CD300E: variants seen among roughly 807,000 people sequenced by gnomAD.
The protein encoded by CD300E is CMRF35-like molecule 2.
A neutral mutation model predicts 20.9 loss-of-function variants in CD300E; 14 were observed. The observed-to-expected ratio is 0.67, with a 90% CI of 0.44 to 1.05. The LOEUF (loss-of-function observed/expected upper bound fraction) is 1.05, where lower values mean the gene tolerates loss of function less well. Ranked by LOEUF, CD300E falls within the 50% of genes least tolerant of loss-of-function variation. CD300E has a pLI of 0.00. For missense variants in CD300E, 237 were observed against 253.9 expected (o/e 0.93, Z 0.45); for synonymous variants, 102 against 103.7 (o/e 0.98, Z 0.10).
intron 1 of CD300E, among the ~76,000 whole-genome samples, chr17:74,620,737 A>G (rs2031002281): frequency 6.6e-6 from 1 of 152,184 alleles, no homozygotes; most frequent in Admixed American, 6.5e-5. Flanking sequence ...AAGCAAAGCC[A>G]CCTCCAAAAT....
At position 74,610,927 on chromosome 17, in the gene CD300E, C is replaced by T. The variant is rs35627988; in HGVS notation, c.*1726G>A. The T allele has an allele frequency of 1.7e-3, 252 of 152,588 alleles. 2 individuals carry two copies. Among genetic ancestry groups the T allele is most frequent in the Non-Finnish European group, 1.2e-3 (83 of 68,082 alleles). The allele number at this position is 152,588 out of a possible 1,614,324, so 9.5% of individuals were successfully genotyped here. On this transcript the variant is annotated 3_prime_UTR_variant, in exon 4 of 4. Coordinates refer to ENST00000392619, the MANE Select transcript of CD300E (RefSeq NM_181449.3). Reference sequence around the variant, plus strand: ...CTGTCCTCTCTCTCTCCCTGTTGCTCCATCCCTGCTCCGCTGAAATCCTAT... The same window carrying T: ...CTGTCCTCTCTCTCTCCCTGTTGCTTCATCCCTGCTCCGCTGAAATCCTAT...
chr17:74,619,583 G>A (rs1006016076), intron 1 of CD300E, among the ~76,000 whole-genome samples: 2 of 151,972 alleles, frequency 1.3e-5, no homozygotes, highest in African/African-American at 4.8e-5. Flanking sequence ...CTGCTAGGAA[G>A]CAAATGTTTC....
At chr17:74,622,496 A>G (rs1424688050) in intron 1 of CD300E, among the ~76,000 whole-genome samples, 1 of 152,118 alleles carries the variant, frequency 6.6e-6, no homozygotes, top group Non-Finnish European at 1.5e-5. Context: ...TACATTGGGC[A>G]ATTTCTATGT....
chr17:74,616,023 G>A (rs908410493), intron 2 of CD300E, among the ~76,000 whole-genome samples: 10 of 152,204 alleles, frequency 6.6e-5, no homozygotes, highest in African/African-American at 2.4e-4. Context: ...GGCGGAGGTT[G>A]CAGTAAGCCG....
intron 1 of CD300E, among the ~76,000 whole-genome samples, chr17:74,618,456 C>A (rs896680217): frequency 6.6e-6 from 1 of 152,114 alleles, no homozygotes; most frequent in African/African-American, 2.4e-5. Context: ...GCGCAGGGGC[C>A]ACGGAAGCTT....
In CD300E at chr17:74,617,151, G is replaced by C; in HGVS notation, c.355C>G (p.Pro119Ala). The C allele has an allele frequency of 6.2e-7, 1 of 1,614,184 alleles. No individual in the cohort carries two copies. Among genetic ancestry groups the C allele is most frequent in the Non-Finnish European group, 8.5e-7 (1 of 1,180,036 alleles). Reference protein sequence around the residue: ...VWVLDSWSRDPSDLVRVYVSP... With the variant: ...VWVLDSWSRDASDLVRVYVSP... ...ACATACACCCTAACCAGGTCCGAGGGATCGCGTGACCATGAATCCAGGACC... is the reference window on the plus strand; with the variant it reads ...ACATACACCCTAACCAGGTCCGAGGCATCGCGTGACCATGAATCCAGGACC... Residue 119 changes from proline (P) to alanine (A), a missense_variant, in exon 2 of 4, where the codon CCC (proline) becomes GCC (alanine). Transcript: ENST00000392619.
chr17:74,623,553 C>T (rs771424801), intron 1 of CD300E, 29 bp downstream of exon 1: 4 of 1,613,328 alleles, frequency 2.5e-6, no homozygotes, highest in Non-Finnish European at 3.4e-6. Flanking sequence ...CCTGCAAAAC[C>T]AAGTCCCCAA....
chr17:74,614,791 A>G (rs1200203186), intron 2 of CD300E, among the ~76,000 whole-genome samples: 1 of 152,004 alleles, frequency 6.6e-6, no homozygotes, highest in Non-Finnish European at 1.5e-5. Context: ...CCATGTGGAA[A>G]GGCCACTGTA....
At chr17:74,621,483 G>C (rs895201111) in intron 1 of CD300E, among the ~76,000 whole-genome samples, 21 of 152,354 alleles carry the variant, frequency 1.4e-4, no homozygotes, top group African/African-American at 5.1e-4. Flanking sequence ...CTGCTAGAGT[G>C]TTACCTGAAT....
At chr17:74,618,682 G>A (rs1223409119) in intron 1 of CD300E, among the ~76,000 whole-genome samples, 1 of 151,916 alleles carries the variant, frequency 6.6e-6, no homozygotes, top group East Asian at 1.9e-4. Context: ...ATATGCCTTG[G>A]CAGATGTGTG....
chr17:74,616,183 G>A (rs957591888), intron 2 of CD300E, among the ~76,000 whole-genome samples: 2 of 152,176 alleles, frequency 1.3e-5, no homozygotes, highest in African/African-American at 4.8e-5. Context: ...TAAATTGGCG[G>A]AAATGGAGGG....
chr17:74,612,869 A>G (rs2030814941), intron 3 of CD300E, 96 bp from the exon 4 acceptor site: 1 of 1,516,520 alleles, frequency 6.6e-7, no homozygotes, highest in Non-Finnish European at 8.9e-7. Context: ...CTGGAGCCCA[A>G]ATAACCCAGG....
intron 3 of CD300E, 38 bp downstream of exon 3, chr17:74,613,887 G>C (rs762824645): frequency 6.8e-7 from 1 of 1,466,186 alleles, no homozygotes; most frequent in South Asian, 1.2e-5. Context: ...CCACCCCAGG[G>C]TTGCTCCCTC....
intron 2 of CD300E, among the ~76,000 whole-genome samples, chr17:74,616,646 C>T (rs971293985): frequency 7.9e-5 from 12 of 152,210 alleles, no homozygotes; most frequent in South Asian, 6.2e-4. Flanking sequence ...AATTGGGACA[C>T]GGCTCCATGG....
chr17:74,615,614 G>T (rs73995683), intron 2 of CD300E, among the ~76,000 whole-genome samples: 1 of 152,080 alleles, frequency 6.6e-6, no homozygotes, highest in Non-Finnish European at 1.5e-5. Context: ...TAGACAGGGC[G>T]ACCAACTTTC....
intron 1 of CD300E, among the ~76,000 whole-genome samples, chr17:74,621,856 G>A (rs1173089608): frequency 6.6e-6 from 1 of 152,122 alleles, no homozygotes; most frequent in Non-Finnish European, 1.5e-5. Flanking sequence ...TATTTGCCCT[G>A]CCTGGGTCAC....
rs579238 is a variant in CD300E at position 74,612,695 on chromosome 17, G to A, written c.576C>T (p.Val192=). The change falls in exon 4 of 4, where the codon GTC becomes GTT. Residue 192 remains valine (V), a synonymous_variant. Coordinates refer to ENST00000392619, the MANE Select transcript of CD300E (RefSeq NM_181449.3). The stretch of plus-strand genomic sequence containing the variant: ...CCCACTGAGGCCTGTTCACCCAGAA[G>A]ACAGCACCCAGCATGCTCAGGAGCA... The part of the protein sequence containing the change: ...LPLLLSMLGA[V]FWVNRPQWAP... 462,198 of 1,613,454 alleles carry A rather than the reference G, an allele frequency of 0.29. 67,744 individuals are homozygous for A. The highest frequency in any genetic ancestry group is 0.34 in the African/African-American group (25,428 of 74,902).
chr17:74,616,755 G>T (rs1307359046), intron 2 of CD300E, among the ~76,000 whole-genome samples: 1 of 152,168 alleles, frequency 6.6e-6, no homozygotes, highest in Non-Finnish European at 1.5e-5. Flanking sequence ...AAAACAACAT[G>T]GTAGGGGGAT....
chr17:74,619,389 T>C (rs2030972607), intron 1 of CD300E: 1 of 214,992 alleles, frequency 4.7e-6, no homozygotes, highest in Admixed American at 5.5e-5. Context: ...ATCAAGAAGA[T>C]GCCAGCAGCA....
Sources: allele counts gnomAD v4.1 joint callset (sites outside exome capture counted in the v4.1 genomes callset), GRCh38; gene constraint gnomAD v4.1.1; transcripts MANE v1.5; gene names NCBI Gene and HGNC (gene_info 2026-07-23, HGNC 2026-07-21).